PCP4: variants seen among roughly 807,000 people sequenced by gnomAD.
PCP4 encodes Purkinje cell protein 4.
PCP4 carries 8 observed loss-of-function variants against 10.0 expected under a neutral mutation model. The ratio of observed to expected loss-of-function variants is 0.80; its 90% confidence interval spans 0.47 to 1.45. The LOEUF (loss-of-function observed/expected upper bound fraction) is 1.45. Among genes scored for constraint, PCP4 ranks in the 40% most tolerant of loss-of-function variants. The pLI, the probability that PCP4 is intolerant of heterozygous loss-of-function variation, is 0.00. For missense variants in PCP4, 54 were observed against 74.4 expected (o/e 0.73, Z 1.01); for synonymous variants, 21 against 23.0 (o/e 0.91, Z 0.24).
chr21:39,892,027 G>C (rs921035052), intron 1 of PCP4, among the ~76,000 whole-genome samples: 2 of 152,200 alleles, frequency 1.3e-5, no homozygotes, highest in Non-Finnish European at 2.9e-5. Flanking sequence ...CAAGAAGCTG[G>C]TGGAGCAGAG....
chr21:39,891,277 C>T (rs775013554), intron 1 of PCP4, among the ~76,000 whole-genome samples: 2 of 152,206 alleles, frequency 1.3e-5, no homozygotes, highest in Non-Finnish European at 2.9e-5. Flanking sequence ...GCTGCCTCAG[C>T]GTGGGCTCTG....
At chr21:39,914,573 C>CAAAAAAAA (rs55775259) in intron 2 of PCP4, among the ~76,000 whole-genome samples, 1 of 118,968 alleles carries the variant, frequency 8.4e-6, no homozygotes, top group Non-Finnish European at 1.7e-5. Context: ...AGAGCTGTCT[C>CAAAAAAAA]AAAAAAAAAA....
chr21:39,894,887 A>T (rs911674239), intron 1 of PCP4, among the ~76,000 whole-genome samples: 1 of 152,196 alleles, frequency 6.6e-6, no homozygotes, highest in East Asian at 1.9e-4. Context: ...GAGAAAAGGC[A>T]GCCTCTTCCC....
intron 1 of PCP4, among the ~76,000 whole-genome samples, chr21:39,895,723 G>A (rs1270755755): frequency 1.3e-5 from 2 of 152,330 alleles, no homozygotes; most frequent in African/African-American, 2.4e-5. Flanking sequence ...GTGCTTGAGC[G>A]CCCTTGAAGC....
At chr21:39,904,416 G>T (rs185404927) in intron 2 of PCP4, among the ~76,000 whole-genome samples, 9 of 152,270 alleles carry the variant, frequency 5.9e-5, no homozygotes, top group African/African-American at 1.7e-4. Context: ...GTAAGGCTTC[G>T]TGTGCAAGGC....
intron 1 of PCP4, among the ~76,000 whole-genome samples, chr21:39,888,608 G>C (rs1418013085): frequency 1.3e-5 from 2 of 152,214 alleles, no homozygotes; most frequent in African/African-American, 4.8e-5. Context: ...AGCGGTGTGA[G>C]TTAGGGGACT....
chr21:39,872,771 A>G (rs2087326397), intron 1 of PCP4, among the ~76,000 whole-genome samples: 1 of 152,232 alleles, frequency 6.6e-6, no homozygotes. Flanking sequence ...TGCTGTAATC[A>G]ATAGGCCAGG....
chr21:39,909,846 A>G (rs1322900371), intron 2 of PCP4, among the ~76,000 whole-genome samples: 2 of 145,496 alleles, frequency 1.4e-5, no homozygotes, highest in African/African-American at 2.6e-5. Flanking sequence ...CCCAGGCTGG[A>G]GTGCAATGGC....
intron 1 of PCP4, among the ~76,000 whole-genome samples, chr21:39,895,916 A>G (rs2087454609): frequency 6.6e-6 from 1 of 152,220 alleles, no homozygotes; most frequent in Admixed American, 6.5e-5. Flanking sequence ...AAAGGTCCCA[A>G]AGAATTCTGA....
chr21:39,875,732 C>T (rs2087342423), intron 1 of PCP4, among the ~76,000 whole-genome samples: 1 of 152,192 alleles, frequency 6.6e-6, no homozygotes, highest in South Asian at 2.1e-4. Context: ...GATATCAATA[C>T]TCCCAAGTTT....
At chr21:39,884,342 G>A (rs962921107) in intron 1 of PCP4, among the ~76,000 whole-genome samples, 1 of 151,604 alleles carries the variant, frequency 6.6e-6, no homozygotes, top group Admixed American at 6.6e-5. Flanking sequence ...ACCATGCCCA[G>A]CTAATTTTGT....
intron 1 of PCP4, among the ~76,000 whole-genome samples, chr21:39,897,505 T>C (rs975507027): frequency 1.3e-5 from 2 of 152,008 alleles, no homozygotes; most frequent in African/African-American, 4.8e-5. Flanking sequence ...TCTCCATAAC[T>C]AGAACCACGT....
intron 2 of PCP4, among the ~76,000 whole-genome samples, chr21:39,905,507 G>A (rs140077702): frequency 5.7e-4 from 87 of 152,320 alleles, no homozygotes; most frequent in South Asian, 2.5e-3. Flanking sequence ...GATTCTGCCT[G>A]AAGGTTACTT....
intron 2 of PCP4, among the ~76,000 whole-genome samples, chr21:39,899,643 C>T (rs1335877091): frequency 6.6e-6 from 1 of 152,068 alleles, no homozygotes; most frequent in Non-Finnish European, 1.5e-5. Context: ...GGTGGGGGCT[C>T]CACAATGTCC....
In PCP4 at chr21:39,898,528, G is replaced by T. The variant is rs776125601; in HGVS notation, c.61+1G>T. The T allele has an allele frequency of 1.9e-6, 3 of 1,613,078 alleles. No individual in the cohort carries two copies. The highest frequency in any genetic ancestry group is 2.5e-6 in the Non-Finnish European group (3 of 1,179,154). ...AAAGACAAGACATCTGGTGAAAATGGTAAGAGGACATGAATAGTCCAAGTT... is the reference window on the plus strand; with the variant it reads ...AAAGACAAGACATCTGGTGAAAATGTTAAGAGGACATGAATAGTCCAAGTT... On this transcript the variant is annotated splice_donor_variant, in intron 2 of 2. Transcript: ENST00000328619. LOFTEE classifies it high-confidence loss of function.
At chr21:39,887,338 C>CTT (rs57967250) in intron 1 of PCP4, among the ~76,000 whole-genome samples, 83 of 147,198 alleles carry the variant, frequency 5.6e-4, no homozygotes, top group African/African-American at 1.6e-3. Context: ...TTTTAACCAA[C>CTT]TTTTTTTTTG....
chr21:39,902,047 T>C (rs1047375698), intron 2 of PCP4, among the ~76,000 whole-genome samples: 1 of 152,232 alleles, frequency 6.6e-6, no homozygotes, highest in Admixed American at 6.5e-5. Flanking sequence ...TTACATTCCA[T>C]TGAAATTCAA....
Position 39,872,926 on chromosome 21 carries a change from G to A in PCP4, c.9+5416G>A, listed in dbSNP as rs528391229. On this transcript the variant is annotated intron_variant, in intron 1 of 2. Coordinates refer to ENST00000328619, the MANE Select transcript of PCP4 (RefSeq NM_006198.3). ...GGGAAATGGGTGCATTGTTATATAC[G>A]CAACATAAGTGCTCTCATGACAGTA... 4.6e-5 allele frequency among the ~76,000 whole-genome samples: 7 copies of A among 152,142 alleles called. No individual in the cohort carries two copies. The South Asian group carries it at 1.5e-3, about 32-fold the overall frequency.
chr21:39,920,275 GTA>G lies in PCP4; in HGVS notation c.62-8708_62-8707del, dbSNP rs2146349414. Among the ~76,000 whole-genome samples, 3 of 128,718 alleles carry G rather than the reference GTA, an allele frequency of 2.3e-5. No individual in the cohort carries two copies. The East Asian group carries it at 7.2e-4, about 31-fold the overall frequency. 84.4% of individuals were successfully genotyped at this position (128,718 alleles called of 152,430 possible). ...GTTTGGTGTGGTGTGTGTGTGTGGTGTAGTGTGTGTGGTGTGTGTGTGTGGTG... is the reference window on the plus strand; with the variant it reads ...GTTTGGTGTGGTGTGTGTGTGTGGTGGTGTGTGTGGTGTGTGTGTGTGGTG... On this transcript the variant is annotated intron_variant, in intron 2 of 2. Coordinates refer to ENST00000328619, the MANE Select transcript of PCP4 (RefSeq NM_006198.3).
Sources: gnomAD v4.1 joint callset for allele counts (sites outside exome capture counted in the v4.1 genomes callset) on GRCh38, gnomAD v4.1.1 for gene constraint, MANE v1.5 for transcripts, NCBI Gene and HGNC (gene_info 2026-07-23, HGNC 2026-07-21) for gene names.